The following TRIM44 variants were observed in gnomAD, a reference collection of about 807,000 sequenced individuals.
TRIM44 encodes tripartite motif-containing protein 44.
In TRIM44, 13 loss-of-function variants were observed where a neutral mutation model predicts 37.4. That is an observed-to-expected ratio of 0.35 (90% CI 0.23 to 0.55). The LOEUF (loss-of-function observed/expected upper bound fraction) is 0.55. TRIM44 is among the 20% of genes least tolerant of loss of function. The probability of loss-of-function intolerance (pLI) is 0.89; values close to 1 mark genes in which losing one functional copy is unlikely to be tolerated. For missense variants in TRIM44, 426 were observed against 437.2 expected (o/e 0.97, Z 0.23); for synonymous variants, 175 against 157.2 (o/e 1.11, Z -0.85).
At chr11:35,710,289 G>C (rs1851952841) in intron 2 of TRIM44, among the ~76,000 whole-genome samples, 1 of 151,966 alleles carries the variant, frequency 6.6e-6, no homozygotes, top group South Asian at 2.1e-4. Flanking sequence ...TTTCACCTAA[G>C]GTTATCTCTT....
chr11:35,777,217 C>A (rs1162717416), intron 4 of TRIM44, among the ~76,000 whole-genome samples: 1 of 152,170 alleles, frequency 6.6e-6, no homozygotes, highest in Non-Finnish European at 1.5e-5. Context: ...TAGTGGCCTT[C>A]TTTGTCTCTT....
At chr11:35,748,065 T>C (rs754720894) in intron 4 of TRIM44, among the ~76,000 whole-genome samples, 6 of 152,136 alleles carry the variant, frequency 3.9e-5, no homozygotes, top group Non-Finnish European at 8.8e-5. Flanking sequence ...GTTGAATCCC[T>C]AGCCAACCAA....
intron 4 of TRIM44, among the ~76,000 whole-genome samples, chr11:35,746,446 C>CTTTTTTTTTTTTTTTTTTTTT (rs5791065): frequency 1.1e-5 from 1 of 93,200 alleles, no homozygotes; most frequent in Non-Finnish European, 1.9e-5. Context: ...GGGGGTCCTT[C>CTTTTTTTTTTTTTTTTTTTTT]TTTTTTTTTT....
chr11:35,795,630 T>TA (rs1341908636), intron 4 of TRIM44, among the ~76,000 whole-genome samples: 1 of 152,200 alleles, frequency 6.6e-6, no homozygotes, highest in Non-Finnish European at 1.5e-5. Flanking sequence ...AAGGAATCTT[T>TA]AGCCCATTGG....
intron 1 of TRIM44, among the ~76,000 whole-genome samples, chr11:35,673,611 T>C (rs1187331309): frequency 6.6e-6 from 1 of 152,208 alleles, no homozygotes; most frequent in African/African-American, 2.4e-5. Context: ...CAATCCACTT[T>C]TGAGAGAAAA....
At chr11:35,779,646 CT>C (rs760176784) in intron 4 of TRIM44, among the ~76,000 whole-genome samples, 10 of 152,032 alleles carry the variant, frequency 6.6e-5, no homozygotes, top group Non-Finnish European at 4.4e-5. Flanking sequence ...GTTGCAATTG[CT>C]TTTGAGGGCT....
chr11:35,746,762 A>C (rs2135527630), intron 4 of TRIM44, among the ~76,000 whole-genome samples: 1 of 152,236 alleles, frequency 6.6e-6, no homozygotes, highest in South Asian at 2.1e-4. Context: ...ACTTGTTTGG[A>C]CCCAGGACCT....
At chr11:35,770,545 A>G (rs1852853338) in intron 4 of TRIM44, among the ~76,000 whole-genome samples, 1 of 152,144 alleles carries the variant, frequency 6.6e-6, no homozygotes, top group Non-Finnish European at 1.5e-5. Context: ...CCATAGCCTC[A>G]CCAGCATCTG....
chr11:35,703,811 A>G (rs930646222), intron 2 of TRIM44, among the ~76,000 whole-genome samples: 40 of 148,334 alleles, frequency 2.7e-4, no homozygotes, highest in African/African-American at 9.7e-4. Context: ...AAAGATGGGA[A>G]AAAAACAGCA....
intron 4 of TRIM44, among the ~76,000 whole-genome samples, chr11:35,742,704 T>A (rs1179606427): frequency 7.3e-6 from 1 of 137,138 alleles, no homozygotes; most frequent in East Asian, 2.0e-4. Flanking sequence ...AATATAATTA[T>A]ATTAACTATA....
intron 2 of TRIM44, among the ~76,000 whole-genome samples, chr11:35,689,394 A>G (rs1351083201): frequency 6.6e-6 from 1 of 152,242 alleles, no homozygotes; most frequent in Non-Finnish European, 1.5e-5. Context: ...AGAACCCTCT[A>G]TATCGTGGAA....
chr11:35,725,791 A>T, intron 2 of TRIM44, 133 bp from the exon 3 acceptor site: 1 of 922,368 alleles, frequency 1.1e-6, no homozygotes, highest in Non-Finnish European at 1.6e-6. Flanking sequence ...CATTGTTTTT[A>T]GGATATTCCC....
intron 2 of TRIM44, among the ~76,000 whole-genome samples, chr11:35,716,029 G>C (rs1467715375): frequency 6.6e-6 from 1 of 152,096 alleles, no homozygotes; most frequent in Non-Finnish European, 1.5e-5. Flanking sequence ...TGTGAGATTT[G>C]GGTGGGGACA....
chr11:35,758,542 A>C lies in TRIM44; in HGVS notation c.1007+23097A>C, dbSNP rs529467740. On this transcript the variant is annotated intron_variant, in intron 4 of 4. Transcript: ENST00000299413. Reference sequence around the variant, plus strand: ...TATGTGTGAATTTGATCCTGTCTTTATGATGTTAGCTGGTTATTTTGCTCG... The same window carrying C: ...TATGTGTGAATTTGATCCTGTCTTTCTGATGTTAGCTGGTTATTTTGCTCG... 1.1e-4 allele frequency among the ~76,000 whole-genome samples: 17 copies of C among 152,190 alleles called. No homozygotes were observed. In the South Asian group the frequency reaches 1.7e-3, roughly 15 times the overall value.
chr11:35,783,634 G>A (rs1853093047), intron 4 of TRIM44, among the ~76,000 whole-genome samples: 1 of 152,178 alleles, frequency 6.6e-6, no homozygotes, highest in Non-Finnish European at 1.5e-5. Flanking sequence ...CATTACTCCA[G>A]AGGAAATTAG....
intron 1 of TRIM44, among the ~76,000 whole-genome samples, chr11:35,664,340 G>A (rs1052514533): frequency 2.6e-5 from 4 of 152,334 alleles, no homozygotes; most frequent in South Asian, 4.1e-4. Flanking sequence ...AAATTGGGGT[G>A]GGAGTGGAAG....
chr11:35,801,282 G>T (rs1317488006), intron 4 of TRIM44, among the ~76,000 whole-genome samples: 9 of 152,168 alleles, frequency 5.9e-5, no homozygotes, highest in Non-Finnish European at 1.2e-4. Flanking sequence ...CTATCTTTTT[G>T]AATTTCAGCT....
At chr11:35,800,525 G>A (rs550779667) in intron 4 of TRIM44, among the ~76,000 whole-genome samples, 11 of 152,024 alleles carry the variant, frequency 7.2e-5, no homozygotes, top group Admixed American at 6.5e-5. Context: ...TGATTGGTGC[G>A]TTTTTACAGA....
intron 4 of TRIM44, among the ~76,000 whole-genome samples, chr11:35,787,941 A>G (rs556025595): frequency 6.6e-6 from 1 of 152,280 alleles, no homozygotes; most frequent in African/African-American, 2.4e-5. Flanking sequence ...GACATGGCTC[A>G]CTTTCCAGGC....
Sources: allele counts gnomAD v4.1 joint callset (sites outside exome capture counted in the v4.1 genomes callset), GRCh38; gene constraint gnomAD v4.1.1; transcripts MANE v1.5; gene names NCBI Gene and HGNC (gene_info 2026-07-23, HGNC 2026-07-21).